The following RALGAPA2 variants were observed in gnomAD, a reference collection of about 807,000 sequenced individuals.
RALGAPA2 encodes ral GTPase-activating protein subunit alpha-2.
In RALGAPA2, 139 loss-of-function variants were observed where a neutral mutation model predicts 230.4. That is an observed-to-expected ratio of 0.60 (90% CI 0.53 to 0.69). The LOEUF (loss-of-function observed/expected upper bound fraction) is 0.69. RALGAPA2 is among the 30% of genes least tolerant of loss of function. The pLI, the probability that RALGAPA2 is intolerant of heterozygous loss-of-function variation, is 0.00. For missense variants in RALGAPA2, 2,163 were observed against 2,276.0 expected (o/e 0.95, Z 1.01); for synonymous variants, 847 against 837.8 (o/e 1.01, Z -0.19).
intron 14 of RALGAPA2, among the ~76,000 whole-genome samples, chr20:20,607,776 A>G (rs2065864237): frequency 6.6e-6 from 1 of 152,248 alleles, no homozygotes; most frequent in South Asian, 2.1e-4. Context: ...TTTATTGACT[A>G]ATTATGAAAC....
chr20:20,556,861 G>C (rs2064098642), intron 23 of RALGAPA2, among the ~76,000 whole-genome samples: 1 of 152,128 alleles, frequency 6.6e-6, no homozygotes, highest in Non-Finnish European at 1.5e-5. Context: ...GCTGGGGTAG[G>C]AGGATACTAA....
rs78083266 is a variant in RALGAPA2 at position 20,637,702 on chromosome 20, T to C, written c.667-201A>G. On this transcript the variant is annotated intron_variant, in intron 7 of 39. Transcript: ENST00000202677. ...ACTTCAAAACAAAACAGTAACTATG[T>C]TAAAAACAGCATTTTTACTTAGAAC... is the stretch of plus-strand genomic sequence containing the variant. Among the ~76,000 whole-genome samples the C allele has an allele frequency of 8.5e-3, 1,293 of 152,336 alleles. 17 individuals are homozygous for C. Among genetic ancestry groups the C allele is most frequent in the African/African-American group, 0.03 (1,230 of 41,566 alleles).
chr20:20,488,169 T>C (rs572680135), intron 36 of RALGAPA2, among the ~76,000 whole-genome samples: 1 of 152,214 alleles, frequency 6.6e-6, no homozygotes, highest in Admixed American at 6.5e-5. Context: ...AAAAAATCCA[T>C]GTGTAGGTGG....
intron 37 of RALGAPA2, among the ~76,000 whole-genome samples, chr20:20,460,408 C>T (rs2061274186): frequency 6.6e-6 from 1 of 152,156 alleles, no homozygotes; most frequent in East Asian, 1.9e-4. Context: ...TCAGCTATGA[C>T]ATGTTACCTG....
intron 27 of RALGAPA2, among the ~76,000 whole-genome samples, chr20:20,531,208 T>G (rs1231298867): frequency 1.3e-5 from 2 of 152,252 alleles, no homozygotes; most frequent in African/African-American, 4.8e-5. Flanking sequence ...TCGCCATTAC[T>G]CTGACCTAGT....
intron 26 of RALGAPA2, among the ~76,000 whole-genome samples, chr20:20,532,392 C>T (rs941503894): frequency 2.0e-5 from 3 of 152,126 alleles, no homozygotes; most frequent in Non-Finnish European, 2.9e-5. Context: ...TGGCTTTCTA[C>T]ACTAAAGAAA....
chr20:20,688,860 A>G (rs770987817), intron 1 of RALGAPA2, among the ~76,000 whole-genome samples: 2 of 152,352 alleles, frequency 1.3e-5, no homozygotes, highest in Middle Eastern at 6.8e-3. Context: ...TCTTACAATA[A>G]TGGACCAAAA....
chr20:20,681,414 A>G (rs2068516537), intron 1 of RALGAPA2, among the ~76,000 whole-genome samples: 1 of 152,136 alleles, frequency 6.6e-6, no homozygotes, highest in Admixed American at 6.5e-5. Flanking sequence ...TGTACTAGAC[A>G]GTTTTGCTAA....
At chr20:20,625,367 C>T (rs1456544313) in intron 10 of RALGAPA2, among the ~76,000 whole-genome samples, 4 of 152,166 alleles carry the variant, frequency 2.6e-5, no homozygotes, top group African/African-American at 4.8e-5. Flanking sequence ...GAGGGATTTG[C>T]TTTTGCTTTC....
intron 12 of RALGAPA2, among the ~76,000 whole-genome samples, chr20:20,617,579 A>C (rs966717342): frequency 6.6e-6 from 1 of 152,232 alleles, no homozygotes; most frequent in African/African-American, 2.4e-5. Flanking sequence ...AACTTTTTGC[A>C]CATTCCCATG....
rs2059773061 is a variant in RALGAPA2, at chr20:20,398,879, G to A, written c.5618-2145C>T. Among the ~76,000 whole-genome samples, 2 of 152,202 alleles carry A rather than the reference G, an allele frequency of 1.3e-5. No individual in the cohort carries two copies. Among genetic ancestry groups the A allele is most frequent in the Admixed American group, 1.3e-4 (2 of 15,286 alleles). ...AAAGTTACAGCATGCAGTCTAATGA[G>A]GGGATATCACCCCTTGGGGTGGCAA... is the stretch of plus-strand genomic sequence containing the variant. On this transcript the variant is annotated intron_variant, in intron 38 of 39. Coordinates refer to ENST00000202677, the MANE Select transcript of RALGAPA2 (RefSeq NM_020343.4). The surrounding 1 kb of genome is among the most constrained non-coding windows in gnomAD (Gnocchi z 4.5).
intron 20 of RALGAPA2, among the ~76,000 whole-genome samples, chr20:20,581,290 A>G (rs2064976220): frequency 6.6e-6 from 1 of 152,204 alleles, no homozygotes; most frequent in South Asian, 2.1e-4. Flanking sequence ...TTTCAATAAA[A>G]ATAATTAAAA....
chr20:20,676,573 A>C (rs981612707), intron 2 of RALGAPA2, among the ~76,000 whole-genome samples: 3 of 152,210 alleles, frequency 2.0e-5, no homozygotes, highest in Non-Finnish European at 4.4e-5. Context: ...TTCATTTCTC[A>C]ACTAGTTACT....
intron 23 of RALGAPA2, among the ~76,000 whole-genome samples, chr20:20,568,461 T>C (rs1434398926): frequency 2.0e-5 from 3 of 152,222 alleles, no homozygotes; most frequent in African/African-American, 7.2e-5. Flanking sequence ...AAGATACAAA[T>C]GGTCATGTCT....
intron 23 of RALGAPA2, among the ~76,000 whole-genome samples, chr20:20,561,341 A>G (rs746571789): frequency 3.9e-5 from 6 of 152,224 alleles, no homozygotes; most frequent in Non-Finnish European, 8.8e-5. Flanking sequence ...TCTCTCAGCC[A>G]TCCTGCTTCC....
intron 20 of RALGAPA2, among the ~76,000 whole-genome samples, chr20:20,579,953 T>A (rs1452844726): frequency 6.6e-6 from 1 of 152,234 alleles, no homozygotes; most frequent in African/African-American, 2.4e-5. Context: ...CAACTTTAAG[T>A]AAATGTCATA....
rs535398118 is a variant in RALGAPA2, at chr20:20,596,865, G to T, written c.2203+4817C>A. On this transcript the variant is annotated intron_variant, in intron 16 of 39. Coordinates refer to ENST00000202677, the MANE Select transcript of RALGAPA2 (RefSeq NM_020343.4). ...CCTGTGCATTGCAGACTATTCAGCA[G>T]CATCCCTGACTTCCATCCACAAGCT... Among the ~76,000 whole-genome samples, 22 of 152,268 alleles carry T rather than the reference G, an allele frequency of 1.4e-4. No individual in the cohort carries two copies. In the South Asian group the frequency reaches 4.4e-3, roughly 30 times the overall value.
chr20:20,548,248 G>A (rs976963753), intron 23 of RALGAPA2, among the ~76,000 whole-genome samples: 1 of 152,042 alleles, frequency 6.6e-6, no homozygotes, highest in Non-Finnish European at 1.5e-5. Flanking sequence ...TTAGAGCAAA[G>A]CAGTAGTAAC....
At chr20:20,458,785 T>G (rs1298282276) in intron 37 of RALGAPA2, among the ~76,000 whole-genome samples, 10 of 143,550 alleles carry the variant, frequency 7.0e-5, no homozygotes, top group Non-Finnish European at 1.4e-4. Context: ...TATATATATA[T>G]AGACCTATAT....
Sources: allele counts gnomAD v4.1 joint callset (sites outside exome capture counted in the v4.1 genomes callset), GRCh38; gene constraint gnomAD v4.1.1; non-coding constraint Gnocchi (gnomAD v3.1); transcripts MANE v1.5; gene names NCBI Gene and HGNC (gene_info 2026-07-23, HGNC 2026-07-21).